Variants in IL1RAPL2 observed in about 807,000 individuals in gnomAD.
IL1RAPL2 encodes the protein X-linked interleukin-1 receptor accessory protein-like 2.
IL1RAPL2 carries 3 observed loss-of-function variants against 44.1 expected under a neutral mutation model. That is an observed-to-expected ratio of 0.07 (90% confidence interval 0.03 to 0.18). IL1RAPL2 has a LOEUF of 0.18. Among genes scored for constraint, IL1RAPL2 ranks in the 10% least tolerant of loss-of-function variants. The pLI, the probability that IL1RAPL2 is intolerant of heterozygous loss-of-function variation, is 1.00. For missense variants in IL1RAPL2, 391 were observed against 496.4 expected, an observed-to-expected ratio of 0.79 and a Z score of 2.02; for synonymous variants, 181 against 178.8, an observed-to-expected ratio of 1.01 and a Z score of -0.10.
chrX:104,906,810 G>A (rs1388644879), intron 2 of IL1RAPL2, among the ~76,000 whole-genome samples: 13 of 111,828 alleles, frequency 1.2e-4, no homozygotes, highest in African/African-American at 4.2e-4. Flanking sequence ...TCAGAATGAT[G>A]CTGGCCTCAT....
intron 2 of IL1RAPL2, among the ~76,000 whole-genome samples, chrX:104,773,718 T>C (rs1026748431): frequency 1.4e-4 from 16 of 112,432 alleles, no homozygotes; most frequent in Non-Finnish European, 2.3e-4. Flanking sequence ...ACAGCCATCA[T>C]GTGACCATGA....
intron 6 of IL1RAPL2, among the ~76,000 whole-genome samples, chrX:105,526,319 A>G (rs1279277940): frequency 8.9e-6 from 1 of 111,882 alleles, no homozygotes; most frequent in African/African-American, 3.2e-5. Flanking sequence ...TTTTTAAGAA[A>G]TACATGATTT....
chrX:104,839,039 G>A (rs1241536873), intron 2 of IL1RAPL2, among the ~76,000 whole-genome samples: 1 of 106,688 alleles, frequency 9.4e-6, no homozygotes, highest in East Asian at 3.0e-4. Context: ...ATTAGAGATG[G>A]GCTTTCATCA....
intron 5 of IL1RAPL2, among the ~76,000 whole-genome samples, chrX:105,333,824 A>G: frequency 8.9e-6 from 1 of 112,253 alleles, no homozygotes; most frequent in Non-Finnish European, 1.9e-5. Context: ...ATATCCTCTC[A>G]CCCCAGTTAA....
intron 5 of IL1RAPL2, among the ~76,000 whole-genome samples, chrX:105,371,068 C>T (rs1051342283): frequency 1.8e-4 from 20 of 111,878 alleles, no homozygotes; most frequent in Non-Finnish European, 3.4e-4. Context: ...TGTCTTTTGC[C>T]CACTTTTTAA....
chrX:105,320,922 C>T (rs888276245), intron 5 of IL1RAPL2, among the ~76,000 whole-genome samples: 20 of 111,617 alleles, frequency 1.8e-4, no homozygotes, highest in African/African-American at 5.9e-4. Flanking sequence ...TGCACATAAA[C>T]ACCATCTCTC....
intron 4 of IL1RAPL2, among the ~76,000 whole-genome samples, chrX:105,254,747 G>C (rs1395040918): frequency 8.9e-6 from 1 of 111,754 alleles, no homozygotes; most frequent in African/African-American, 3.2e-5. Context: ...GTAAGGAAGG[G>C]GTTCACCTTC....
chrX:105,666,452 ATTCT>A (rs1276714067), intron 6 of IL1RAPL2, among the ~76,000 whole-genome samples: 1 of 111,907 alleles, frequency 8.9e-6, no homozygotes, highest in African/African-American at 3.3e-5. Context: ...GGATGAAGTA[ATTCT>A]TTAACATAAC....
chrX:105,215,161 A>G (rs1291621733), intron 3 of IL1RAPL2, among the ~76,000 whole-genome samples: 1 of 112,260 alleles, frequency 8.9e-6, no homozygotes, highest in Non-Finnish European at 1.9e-5. Flanking sequence ...CAAAGAATCA[A>G]TGAATCCAGG....
At chrX:104,799,645 T>G (rs1268787214) in intron 2 of IL1RAPL2, among the ~76,000 whole-genome samples, 1 of 112,240 alleles carries the variant, frequency 8.9e-6, no homozygotes, top group African/African-American at 3.2e-5. Context: ...TTGACTTATT[T>G]AAAACATCAC....
intron 2 of IL1RAPL2, among the ~76,000 whole-genome samples, chrX:104,893,608 A>C (rs924589567): frequency 2.7e-5 from 3 of 110,503 alleles, no homozygotes; most frequent in Admixed American, 9.6e-5. Context: ...TAGGATTGCA[A>C]CCCCTGCCTT....
At chrX:105,414,498 A>C (rs898964143) in intron 5 of IL1RAPL2, among the ~76,000 whole-genome samples, 1 of 111,404 alleles carries the variant, frequency 9.0e-6, no homozygotes, top group African/African-American at 3.3e-5. Flanking sequence ...AAACTCCTTA[A>C]CTTGAATTTA....
chrX:104,899,740 C>G (rs1044434981), intron 2 of IL1RAPL2, among the ~76,000 whole-genome samples: 2 of 111,953 alleles, frequency 1.8e-5, no homozygotes, highest in South Asian at 7.4e-4. Flanking sequence ...AATGCCCTCT[C>G]TCCTCTTCAG....
Position 105,033,510 on chromosome X carries a change from TG to T in IL1RAPL2, c.83-161962del, listed in dbSNP as rs1327358253. Among the ~76,000 whole-genome samples the T allele has an allele frequency of 2.7e-5, 3 of 111,822 alleles. No individual in the cohort carries two copies. The East Asian group carries it at 8.5e-4, about 32-fold the overall frequency. On this transcript the variant is annotated intron_variant, in intron 2 of 10. Transcript: ENST00000372582. The stretch of plus-strand genomic sequence containing the variant: ...CTTAGTTTGGCTGGATATGAAATTC[TG>T]GGTTGAAAATTCTTTTCTTTAAGAA...
At chrX:105,101,334 A>G (rs2032668779) in intron 2 of IL1RAPL2, among the ~76,000 whole-genome samples, 1 of 112,215 alleles carries the variant, frequency 8.9e-6, no homozygotes, top group Admixed American at 9.4e-5. Context: ...CCCTAAAGTA[A>G]GGACAAGAGT....
chrX:105,566,504 G>C (rs368882455), intron 6 of IL1RAPL2, among the ~76,000 whole-genome samples: 4 of 111,322 alleles, frequency 3.6e-5, no homozygotes, highest in South Asian at 7.5e-4. Context: ...GCTGCCCTTC[G>C]TCTCTTACTC....
chrX:105,394,987 T>A (rs1374416616), intron 5 of IL1RAPL2, among the ~76,000 whole-genome samples: 1 of 111,683 alleles, frequency 9.0e-6, no homozygotes, highest in African/African-American at 3.3e-5. Flanking sequence ...TTGTGGCATA[T>A]ATTTTAGTAA....
chrX:104,582,822 CTCTT>C (rs778392028), intron 1 of IL1RAPL2, among the ~76,000 whole-genome samples: 2,057 of 40,613 alleles, frequency 0.051, 43 homozygotes, highest in Admixed American at 0.11. Flanking sequence ...TCCTTTCTTT[CTCTT>C]TCTTTCTTTC....
chrX:104,917,933 T>G (rs1426007372), intron 2 of IL1RAPL2, among the ~76,000 whole-genome samples: 2 of 111,867 alleles, frequency 1.8e-5, no homozygotes, highest in Admixed American at 1.9e-4. Flanking sequence ...CTATAATCTG[T>G]GCTGATCTGC....
Sources: allele counts gnomAD v4.1 joint callset (sites outside exome capture counted in the v4.1 genomes callset), GRCh38; gene constraint gnomAD v4.1.1; transcripts MANE v1.5; gene names NCBI Gene and HGNC (gene_info 2026-07-23, HGNC 2026-07-21).